The following TMEM131L variants were observed in gnomAD, a reference collection of about 807,000 sequenced individuals.
The protein encoded by TMEM131L is transmembrane protein 131-like.
Under a neutral mutation model 192.2 loss-of-function variants are expected in TMEM131L, and 54 were observed. The observed-to-expected ratio is 0.28, with a 90% CI of 0.23 to 0.35. TMEM131L has a LOEUF of 0.35. Ranked by LOEUF, TMEM131L falls within the 10% of genes least tolerant of loss-of-function variation. The probability of loss-of-function intolerance (pLI) is 1.00; values close to 1 mark genes in which losing one functional copy is unlikely to be tolerated. For missense variants in TMEM131L, 1,888 were observed against 1,972.9 expected (o/e 0.96, Z 0.82); for synonymous variants, 701 against 704.9 (o/e 0.99, Z 0.09).
At chr4:153,534,827 C>CT (rs1736190377) in intron 3 of TMEM131L, among the ~76,000 whole-genome samples, 2 of 152,162 alleles carry the variant, frequency 1.3e-5, no homozygotes, top group Admixed American at 1.3e-4. Context: ...CTGCAAAGGA[C>CT]TTTAAGGTAG....
intron 26 of TMEM131L, among the ~76,000 whole-genome samples, chr4:153,618,486 A>AAAG (rs2126689780): frequency 6.6e-6 from 1 of 151,238 alleles, no homozygotes; most frequent in East Asian, 1.9e-4. Flanking sequence ...CAAAAAAAAA[A>AAAG]AAAAAAAACC....
chr4:153,592,447 G>T (rs1256947191), intron 17 of TMEM131L, 28 bp from the exon 18 acceptor site: 11 of 1,524,912 alleles, frequency 7.2e-6, no homozygotes, highest in Non-Finnish European at 1.0e-5. Flanking sequence ...CCCTCTCGGG[G>T]TTTTAACTTT....
At chr4:153,539,977 G>A (rs1736647400) in intron 3 of TMEM131L, among the ~76,000 whole-genome samples, 2 of 152,064 alleles carry the variant, frequency 1.3e-5, no homozygotes, top group African/African-American at 4.8e-5. Context: ...GGGCATGGTG[G>A]CGGGTGCCTG....
chr4:153,622,021 T>A (rs369256015), intron 28 of TMEM131L, among the ~76,000 whole-genome samples, 172 bp downstream of exon 28: 2 of 152,166 alleles, frequency 1.3e-5, no homozygotes, highest in African/African-American at 4.8e-5. Context: ...AACTAAGATT[T>A]GGTTGAGTCT....
chr4:153,565,088 G>T (rs1578756116), intron 7 of TMEM131L, among the ~76,000 whole-genome samples: 1 of 152,268 alleles, frequency 6.6e-6, no homozygotes, highest in East Asian at 1.9e-4. Context: ...AGGTTCCCAG[G>T]CAGCCTGTGC....
intron 26 of TMEM131L, among the ~76,000 whole-genome samples, chr4:153,617,950 G>T (rs1271713907): frequency 6.9e-6 from 1 of 144,008 alleles, no homozygotes; most frequent in African/African-American, 2.6e-5. Flanking sequence ...TTTATTCTCT[G>T]TAAGAGCACT....
chr4:153,519,835 T>C (rs1023484590), intron 3 of TMEM131L, among the ~76,000 whole-genome samples: 2 of 152,228 alleles, frequency 1.3e-5, no homozygotes, highest in Admixed American at 6.5e-5. Flanking sequence ...GTGTCAGTTA[T>C]GTGCAAGAAA....
At chr4:153,569,515 G>C (rs1729442076) in intron 7 of TMEM131L, among the ~76,000 whole-genome samples, 1 of 152,182 alleles carries the variant, frequency 6.6e-6, no homozygotes, top group South Asian at 2.1e-4. Context: ...CAGAGCTTTT[G>C]TGATGCGATT....
intron 31 of TMEM131L, among the ~76,000 whole-genome samples, chr4:153,631,577 A>G (rs1734210614): frequency 6.6e-6 from 1 of 152,170 alleles, no homozygotes; most frequent in African/African-American, 2.4e-5. Flanking sequence ...TTGCTCCAGA[A>G]AGAGACACTA....
intron 3 of TMEM131L, among the ~76,000 whole-genome samples, chr4:153,545,669 G>C (rs1737120340): frequency 6.6e-6 from 1 of 151,930 alleles, no homozygotes; most frequent in South Asian, 2.1e-4. Context: ...AAAGATAAAA[G>C]AAAAAAGGCC....
chr4:153,509,561 A>G (rs773689210), intron 3 of TMEM131L, among the ~76,000 whole-genome samples: 6 of 151,980 alleles, frequency 3.9e-5, no homozygotes, highest in Non-Finnish European at 7.4e-5. Context: ...ACCCTTCTCT[A>G]CTAAAAATAC....
At position 153,598,725 on chromosome 4, in the gene TMEM131L, C is replaced by G; in HGVS notation, c.2259C>G (p.Cys753Trp). The change falls in exon 21 of 35, where the codon TGC becomes TGG. Residue 753 changes from cysteine (C) to tryptophan (W), a missense_variant. By Grantham distance (215) the Cys-to-Trp change is radical. Coordinates refer to ENST00000409959, the MANE Select transcript of TMEM131L (RefSeq NM_001131007.2). ...TGCCCGAGTCCACGCTGATGGACTG[C>G]CGTAGACGTGAGTTCATATGTGTGG... ...FKVPESTLMD[C>W]RRQLKDSKQI... 1.2e-6 allele frequency: 2 copies of G among 1,612,576 alleles called. No homozygotes were observed. The highest frequency in any genetic ancestry group is 1.7e-6 in the Non-Finnish European group (2 of 1,179,148).
intron 3 of TMEM131L, among the ~76,000 whole-genome samples, chr4:153,548,231 T>TGAAGAC (rs1737340200): frequency 6.6e-6 from 1 of 152,238 alleles, no homozygotes; most frequent in East Asian, 1.9e-4. Flanking sequence ...TCCGACCGTG[T>TGAAGAC]TCAAAACAAG....
rs770127531 is a variant in TMEM131L at position 153,612,370 on chromosome 4, T to C, written c.3537T>C (p.Phe1179=). The C allele has an allele frequency of 8.8e-6, 14 of 1,595,898 alleles. No individual in the cohort carries two copies. The South Asian group carries it at 1.7e-4, about 19-fold the overall frequency. Residue 1179 remains phenylalanine, a synonymous_variant, in exon 26 of 35, where the codon TTT becomes TTC. Coordinates refer to ENST00000409959, the MANE Select transcript of TMEM131L (RefSeq NM_001131007.2). ...ACAAAACATCTAGAGAAGACATGTTTTCTGAGAAACAGGACATACCTTTCG... is the reference window on the plus strand; with the variant it reads ...ACAAAACATCTAGAGAAGACATGTTCTCTGAGAAACAGGACATACCTTTCG... The part of the protein sequence containing the change: ...KIHKTSREDM[F]SEKQDIPFVE...
At chr4:153,583,135 CTG>C in intron 9 of TMEM131L, 53 bp from the exon 10 acceptor site, 1 of 851,594 alleles carries the variant, frequency 1.2e-6, no homozygotes, top group African/African-American at 1.7e-5. Flanking sequence ...TGAGATGGCT[CTG>C]TTTTAATCTC....
At chr4:153,554,992 G>A (rs942076505) in intron 4 of TMEM131L, among the ~76,000 whole-genome samples, 2 of 152,160 alleles carry the variant, frequency 1.3e-5, no homozygotes, top group African/African-American at 2.4e-5. Flanking sequence ...TATTTGCCAC[G>A]GAGCAGGGAT....
At position 153,586,320 on chromosome 4, in the gene TMEM131L, A is replaced by G. The variant is rs777973048; in HGVS notation, c.1423A>G (p.Thr475Ala). The G allele has an allele frequency of 6.2e-7, 1 of 1,604,432 alleles. No individual in the cohort carries two copies. The highest frequency in any genetic ancestry group is 8.5e-7 in the Non-Finnish European group (1 of 1,176,664). ...AAATCTATTCACCAATGTATTTTTG[A>G]CTACAAACATAGGTGCCATTTTTGC... ...AINLFTNVFL[T>A]TNIGAIFAIP... is the part of the protein sequence containing the mutation. The change falls in exon 14 of 35, where the codon ACT (threonine) becomes GCT (alanine). Residue 475 changes from threonine (T) to alanine (A), a missense_variant. Coordinates refer to ENST00000409959, the MANE Select transcript of TMEM131L (RefSeq NM_001131007.2).
chr4:153,583,208 T>C lies in TMEM131L; in HGVS notation c.911T>C (p.Met304Thr), dbSNP rs1730479958. 1.4e-6 allele frequency: 2 copies of C among 1,453,962 alleles called. No homozygotes were observed. The highest frequency in any genetic ancestry group is 1.4e-5 in the African/African-American group (1 of 71,802). The allele number at this position is 1,453,962 out of a possible 1,614,324, so 90.1% of individuals were successfully genotyped here. ...TGGACAGATGATTCAGCAGTAAATA[T>C]GTATATATTACATTCAGGAAACAGC... ...SETSDDSAVNMYILHSGNSLI... is the reference protein window; with the variant it reads ...SETSDDSAVNTYILHSGNSLI... Residue 304 changes from methionine to threonine, a missense_variant, in exon 10 of 35, where the codon ATG becomes ACG. Physicochemically the swap from Met to Thr is moderately conservative, Grantham distance 81. Transcript: ENST00000409959.
chr4:153,587,043 T>A (rs968428642), intron 14 of TMEM131L, among the ~76,000 whole-genome samples: 2 of 152,198 alleles, frequency 1.3e-5, no homozygotes, highest in African/African-American at 4.8e-5. Flanking sequence ...TTCTCACTTA[T>A]AGTGTGGATC....
Sources: allele counts gnomAD v4.1 joint callset (sites outside exome capture counted in the v4.1 genomes callset), GRCh38; gene constraint gnomAD v4.1.1; transcripts MANE v1.5; gene names NCBI Gene and HGNC (gene_info 2026-07-23, HGNC 2026-07-21).